The following RBFOX1 variants were observed in gnomAD, a reference collection of about 807,000 sequenced individuals.
The protein encoded by RBFOX1 is RNA binding fox-1 homolog 1.
RBFOX1 carries 8 observed loss-of-function variants against 57.7 expected under a neutral mutation model. The ratio of observed to expected loss-of-function variants is 0.14; its 90% CI spans 0.08 to 0.25. The LOEUF is 0.25. Ranked by LOEUF, RBFOX1 falls within the 10% of genes least tolerant of loss-of-function variation. The pLI, the probability that RBFOX1 is intolerant of heterozygous loss-of-function variation, is 1.00. For missense variants in RBFOX1, 611 were observed against 548.5 expected, an observed-to-expected ratio of 1.11 and a Z score of -1.14; for synonymous variants, 326 against 222.4, an observed-to-expected ratio of 1.47 and a Z score of -4.15.
At chr16:7,243,740 G>C (rs569219548) in intron 4 of RBFOX1, among the ~76,000 whole-genome samples, 2 of 152,004 alleles carry the variant, frequency 1.3e-5, no homozygotes, top group African/African-American at 2.4e-5. Context: ...GGTGGAGACA[G>C]GGTTTCGCTG....
intron 2 of RBFOX1, among the ~76,000 whole-genome samples, chr16:6,569,137 C>A (rs778264541): frequency 6.6e-6 from 1 of 152,162 alleles, no homozygotes; most frequent in Non-Finnish European, 1.5e-5. Context: ...TCTTGATATC[C>A]ATGTAAACTG....
intron 2 of RBFOX1, chr16:5,467,373 C>G: frequency 1.0e-6 from 1 of 961,718 alleles, no homozygotes; most frequent in Non-Finnish European, 1.6e-6. Flanking sequence ...CATCTGTAAT[C>G]AACCACAGCA....
chr16:6,238,904 C>G (rs1456195802), intron 1 of RBFOX1, among the ~76,000 whole-genome samples: 1 of 152,044 alleles, frequency 6.6e-6, no homozygotes, highest in African/African-American at 2.4e-5. Context: ...TATAAACATC[C>G]AATTATATTA....
At chr16:6,718,489 C>T (rs1168600881) in intron 3 of RBFOX1, among the ~76,000 whole-genome samples, 1 of 152,028 alleles carries the variant, frequency 6.6e-6, no homozygotes, top group Admixed American at 6.5e-5. Context: ...TGGACAGAGT[C>T]TTGAGAACAA....
chr16:7,690,921 G>T (rs1342992688), intron 14 of RBFOX1, among the ~76,000 whole-genome samples: 2 of 152,082 alleles, frequency 1.3e-5, no homozygotes, highest in Non-Finnish European at 1.5e-5. Context: ...TCCTGACACT[G>T]CAGGCCACCA....
intron 3 of RBFOX1, among the ~76,000 whole-genome samples, chr16:6,956,092 G>T (rs2081774186): frequency 6.6e-6 from 1 of 152,062 alleles, no homozygotes; most frequent in Non-Finnish European, 1.5e-5. Flanking sequence ...CCTTTGTTTT[G>T]CTTATCTGAG....
At chr16:7,177,167 A>T (rs1265904224) in intron 4 of RBFOX1, among the ~76,000 whole-genome samples, 3 of 152,194 alleles carry the variant, frequency 2.0e-5, no homozygotes, top group Non-Finnish European at 2.9e-5. Context: ...ATTTTTGTCC[A>T]GGAGTAGTTT....
intron 4 of RBFOX1, among the ~76,000 whole-genome samples, chr16:5,934,691 A>T (rs2059132836): frequency 6.6e-6 from 1 of 152,206 alleles, no homozygotes; most frequent in Non-Finnish European, 1.5e-5. Context: ...TATTTATGGA[A>T]ATATCAGGAT....
At chr16:6,717,429 A>G (rs2065047314) in intron 3 of RBFOX1, among the ~76,000 whole-genome samples, 1 of 152,216 alleles carries the variant, frequency 6.6e-6, no homozygotes, top group Non-Finnish European at 1.5e-5. Context: ...ACTTGAGAGC[A>G]GAATGGTGGA....
intron 2 of RBFOX1, among the ~76,000 whole-genome samples, chr16:6,537,239 C>T (rs1002772656): frequency 6.6e-6 from 1 of 152,110 alleles, no homozygotes; most frequent in African/African-American, 2.4e-5. Flanking sequence ...GGTGTTGTTC[C>T]TGATGCCGGT....
chr16:5,714,540 T>G (rs1030745837), intron 3 of RBFOX1, among the ~76,000 whole-genome samples: 16 of 152,188 alleles, frequency 1.1e-4, no homozygotes, highest in Non-Finnish European at 1.5e-5. Context: ...GGACCTTAGA[T>G]GTGTGAAAAA....
Position 7,051,377 on chromosome 16 carries a change from C to T in RBFOX1, c.-15-680C>T, listed in dbSNP as rs773018858. 5.3e-5 allele frequency among the ~76,000 whole-genome samples: 8 copies of T among 152,334 alleles called. No individual in the cohort carries two copies. The South Asian group carries it at 6.2e-4, about 12-fold the overall frequency. ...AAATTATATGGCCACTCCAAAGAAG[C>T]GTCCTTGGACATTAAGTAAAACATG... On this transcript the variant is annotated intron_variant, in intron 3 of 15. Transcript: ENST00000550418.
At chr16:7,386,323 G>C (rs980695558) in intron 4 of RBFOX1, among the ~76,000 whole-genome samples, 7 of 152,022 alleles carry the variant, frequency 4.6e-5, no homozygotes, top group African/African-American at 1.7e-4. Flanking sequence ...CATGGTGGTT[G>C]CTGCACCCAT....
rs80010590 is a variant in RBFOX1 at position 5,886,588 on chromosome 16, T to G, written c.351+19253T>G. 3.3e-3 allele frequency among the ~76,000 whole-genome samples: 508 copies of G among 152,304 alleles called. 2 individuals carry two copies. The highest frequency in any genetic ancestry group is 0.012 in the African/African-American group (486 of 41,562). On this transcript the variant is annotated intron_variant, in intron 4 of 19. Transcript: ENST00000641259. Reference sequence around the variant, plus strand: ...GGCCCTGAGCTGGAGGATGACTCATTATTCAAATCGTCTCTTTGGCTGGGC... The same window carrying G: ...GGCCCTGAGCTGGAGGATGACTCATGATTCAAATCGTCTCTTTGGCTGGGC...
At chr16:7,575,571 C>G (rs552590926) in intron 5 of RBFOX1, among the ~76,000 whole-genome samples, 52 of 152,250 alleles carry the variant, frequency 3.4e-4, no homozygotes, top group African/African-American at 1.3e-3. Flanking sequence ...CCAACAAAAG[C>G]TAAATGAGGC....
At chr16:5,285,714 G>T (rs113392943) in intron 1 of RBFOX1, among the ~76,000 whole-genome samples, 1 of 152,162 alleles carries the variant, frequency 6.6e-6, no homozygotes, top group African/African-American at 2.4e-5. Flanking sequence ...GATTTCTTCA[G>T]CTGTAATTGG....
chr16:6,846,658 G>A (rs574980900), intron 3 of RBFOX1, among the ~76,000 whole-genome samples: 9 of 152,270 alleles, frequency 5.9e-5, no homozygotes, highest in Admixed American at 6.5e-5. Flanking sequence ...ATCTACAGAC[G>A]TCAAATAACC....
At chr16:5,766,603 C>G (rs1402580277) in intron 3 of RBFOX1, among the ~76,000 whole-genome samples, 2 of 152,012 alleles carry the variant, frequency 1.3e-5, no homozygotes, top group East Asian at 1.9e-4. Flanking sequence ...AACAAACAAA[C>G]AAAATGAAAA....
intron 4 of RBFOX1, among the ~76,000 whole-genome samples, chr16:6,010,915 C>G (rs950310854): frequency 4.6e-5 from 7 of 152,040 alleles, no homozygotes; most frequent in Non-Finnish European, 1.5e-5. Flanking sequence ...AATAAATGTA[C>G]AAGTGGAAGC....
Sources: allele counts gnomAD v4.1 joint callset (sites outside exome capture counted in the v4.1 genomes callset), GRCh38; gene constraint gnomAD v4.1.1; transcripts MANE v1.5; gene names NCBI Gene and HGNC (gene_info 2026-07-23, HGNC 2026-07-21).